KLHL25: variants seen among roughly 807,000 people sequenced by gnomAD.
KLHL25 encodes the protein kelch like family member 25.
In KLHL25, 41 loss-of-function variants were observed where a neutral mutation model predicts 30.0. The ratio of observed to expected loss-of-function variants is 1.37; its 90% CI spans 1.07 to 1.78. KLHL25 has a LOEUF of 1.78. Ranked by LOEUF, KLHL25 falls within the 40% of genes most tolerant of loss-of-function variation. The pLI is 0.00. For synonymous variants in KLHL25, 399 were observed against 355.3 expected (o/e 1.12, Z -1.38); for missense variants, 971 against 824.5 (o/e 1.18, Z -2.18).
chr15:85,788,249 G>A (rs950181911), intron 1 of KLHL25, among the ~76,000 whole-genome samples: 5 of 152,138 alleles, frequency 3.3e-5, no homozygotes, highest in African/African-American at 9.7e-5. Flanking sequence ...GCCTTTGCAC[G>A]AGCTGTGCTA....
intron 2 of KLHL25, among the ~76,000 whole-genome samples, chr15:85,767,736 G>T (rs2089634227): frequency 6.6e-6 from 1 of 152,164 alleles, no homozygotes; most frequent in Admixed American, 6.5e-5. Flanking sequence ...ACTGTCAAAA[G>T]GTCCCTGGGT....
chr15:85,785,094 C>T (rs2614672), intron 1 of KLHL25, among the ~76,000 whole-genome samples: 39,090 of 141,872 alleles, frequency 0.28, 5,613 homozygotes, highest in South Asian at 0.38. Context: ...TTTCTTTTTT[C>T]TTTTTTTTTT....
intron 1 of KLHL25, among the ~76,000 whole-genome samples, chr15:85,778,677 G>A (rs947827617): frequency 1.3e-5 from 2 of 152,192 alleles, no homozygotes; most frequent in Non-Finnish European, 2.9e-5. Context: ...AAGGGGCGGC[G>A]TTCAAATCCA....
intron 2 of KLHL25, chr15:85,762,414 C>G (rs1322384970): frequency 6.6e-6 from 1 of 151,912 alleles, no homozygotes; most frequent in African/African-American, 2.4e-5. Flanking sequence ...GGTTGGGGAG[C>G]CTCGGGGCCA....
At chr15:85,771,144 C>A in intron 1 of KLHL25, 1 of 180,920 alleles carries the variant, frequency 5.5e-6, no homozygotes, top group Non-Finnish European at 1.2e-5. Flanking sequence ...AGGACCTACG[C>A]TCCAGCTGTG....
At chr15:85,793,696 C>T (rs1238333529) in intron 1 of KLHL25, among the ~76,000 whole-genome samples, 1 of 152,216 alleles carries the variant, frequency 6.6e-6, no homozygotes, top group African/African-American at 2.4e-5. Context: ...CTACTGCTAA[C>T]TTCCTTCCCT....
At chr15:85,765,828 C>CAAAAAA (rs35443769) in intron 2 of KLHL25, among the ~76,000 whole-genome samples, 1 of 103,704 alleles carries the variant, frequency 9.6e-6, no homozygotes. Flanking sequence ...GAGACTGTCT[C>CAAAAAA]AAAAAAAAAA....
intron 2 of KLHL25, among the ~76,000 whole-genome samples, chr15:85,764,957 C>A (rs73456381): frequency 0.037 from 5,697 of 152,320 alleles, 344 homozygotes; most frequent in African/African-American, 0.13. Flanking sequence ...GCTCTCCTTC[C>A]AGGGTCCCTG....
At position 85,789,325 on chromosome 15, in the gene KLHL25, A is replaced by C. The variant is rs748107214; in HGVS notation, c.-11+5441T>G. On this transcript the variant is annotated intron_variant, in intron 1 of 2. Coordinates refer to ENST00000337975, the MANE Select transcript of KLHL25 (RefSeq NM_022480.4). The surrounding 1 kb of genome is among the most constrained non-coding windows in gnomAD (Gnocchi z 4.1). ...GCTTCCCCGTGGGAGGAGCCATCCA[A>C]CTGGTCTTGCAGGCTGGTGCTCAGT... is the stretch of plus-strand genomic sequence containing the variant. Among the ~76,000 whole-genome samples the C allele has an allele frequency of 1.3e-5, 2 of 151,208 alleles. No individual in the cohort carries two copies. Among genetic ancestry groups the C allele is most frequent in the Non-Finnish European group, 2.9e-5 (2 of 67,934 alleles).
At chr15:85,783,843 C>T (rs569799432) in intron 1 of KLHL25, among the ~76,000 whole-genome samples, 1 of 152,308 alleles carries the variant, frequency 6.6e-6, no homozygotes, top group East Asian at 1.9e-4. Context: ...CTAAGAGTCC[C>T]TGGTTTCAAA....
At chr15:85,774,944 T>A (rs1048738406) in intron 1 of KLHL25, among the ~76,000 whole-genome samples, 1 of 150,988 alleles carries the variant, frequency 6.6e-6, no homozygotes, top group African/African-American at 2.4e-5. Flanking sequence ...TGGCGCGATC[T>A]CAGCTCACTG....
At chr15:85,765,249 G>A (rs2089612127) in intron 2 of KLHL25, among the ~76,000 whole-genome samples, 1 of 152,166 alleles carries the variant, frequency 6.6e-6, no homozygotes, top group South Asian at 2.1e-4. Flanking sequence ...TTAATGAGGA[G>A]ATGCCAGTAT....
At chr15:85,772,540 G>A (rs2151808570) in intron 1 of KLHL25, among the ~76,000 whole-genome samples, 1 of 152,344 alleles carries the variant, frequency 6.6e-6, no homozygotes, top group African/African-American at 2.4e-5. Flanking sequence ...CCTCACCTTA[G>A]TAACTACGGC....
At chr15:85,770,452 C>A (rs1406821854) in intron 1 of KLHL25, 2 of 527,444 alleles carry the variant, frequency 3.8e-6, no homozygotes, top group Admixed American at 2.0e-5. Flanking sequence ...CTGGGCCGGG[C>A]TCCAAGCGGT....
intron 1 of KLHL25, among the ~76,000 whole-genome samples, chr15:85,775,857 G>C (rs2089705567): frequency 1.6e-5 from 2 of 127,676 alleles, no homozygotes; most frequent in Non-Finnish European, 3.2e-5. Context: ...CCTTTCAATG[G>C]CTCGTTTAAA....
At chr15:85,774,807 C>G (rs550299495) in intron 1 of KLHL25, among the ~76,000 whole-genome samples, 10 of 152,174 alleles carry the variant, frequency 6.6e-5, no homozygotes, top group African/African-American at 2.4e-4. Context: ...CAGGGCCAAG[C>G]CAATCCGTAT....
intron 2 of KLHL25, among the ~76,000 whole-genome samples, chr15:85,766,020 G>C (rs368131341): frequency 1.3e-5 from 2 of 152,164 alleles, no homozygotes; most frequent in African/African-American, 4.8e-5. Flanking sequence ...GTTAGAGGCT[G>C]AGCCATCAGC....
intron 1 of KLHL25, among the ~76,000 whole-genome samples, chr15:85,773,623 T>C (rs934032796): frequency 7.2e-5 from 11 of 151,954 alleles, no homozygotes; most frequent in Non-Finnish European, 1.5e-4. Context: ...GCTAGTGTCA[T>C]CCTCCGAACT....
Position 85,768,669 on chromosome 15 carries a change from T to C in KLHL25, c.1142A>G (p.His381Arg), listed in dbSNP as rs754333532. 64 of 1,613,280 alleles carry C rather than the reference T, an allele frequency of 4.0e-5. 1 individual carries two copies. In the South Asian group the frequency reaches 5.9e-4, roughly 15 times the overall value. The change falls in exon 2 of 3, where the codon CAT becomes CGT. Residue 381 changes from histidine to arginine, a missense_variant. Transcript: ENST00000337975. Reference sequence around the variant, plus strand: ...GCAGTTCTCCAGCTCAGCTGAGCCATGGCCAAAGCGGGCAATCAGCATGGG... The same window carrying C: ...GCAGTTCTCCAGCTCAGCTGAGCCACGGCCAAAGCGGGCAATCAGCATGGG... ...AAPMLIARFG[H>R]GSAELENCLY...
Sources: allele counts gnomAD v4.1 joint callset (sites outside exome capture counted in the v4.1 genomes callset), GRCh38; gene constraint gnomAD v4.1.1; non-coding constraint Gnocchi (gnomAD v3.1); transcripts MANE v1.5; gene names NCBI Gene and HGNC (gene_info 2026-07-23, HGNC 2026-07-21).